ROR1: variants seen among roughly 807,000 people sequenced by gnomAD.
ROR1 encodes ROR family WNT receptor 1.
ROR1 carries 19 observed loss-of-function variants against 78.8 expected under a neutral mutation model. The ratio of observed to expected loss-of-function variants is 0.24; its 90% CI spans 0.17 to 0.35. ROR1 has a LOEUF of 0.35. Ranked by LOEUF, ROR1 falls within the 10% of genes least tolerant of loss-of-function variation. The pLI is 1.00. For synonymous variants in ROR1, 386 were observed against 433.6 expected, an observed-to-expected ratio of 0.89 and a Z score of 1.36; for missense variants, 917 against 1,177.8, an observed-to-expected ratio of 0.78 and a Z score of 3.24.
chr1:63,828,308 ATTACT>A (rs1434243082), intron 1 of ROR1, among the ~76,000 whole-genome samples: 2 of 152,206 alleles, frequency 1.3e-5, no homozygotes, highest in African/African-American at 2.4e-5. Flanking sequence ...TTTTGTTTTC[ATTACT>A]TTAAGTAATA....
intron 1 of ROR1, among the ~76,000 whole-genome samples, chr1:63,798,874 A>C (rs2100250888): frequency 6.6e-6 from 1 of 152,216 alleles, no homozygotes; most frequent in Non-Finnish European, 1.5e-5. Context: ...TACTTTGAAA[A>C]AATAGATGAA....
At chr1:64,122,931 G>C (rs991347112) in intron 4 of ROR1, among the ~76,000 whole-genome samples, 3 of 152,076 alleles carry the variant, frequency 2.0e-5, no homozygotes, top group African/African-American at 7.2e-5. Context: ...CCAGTAAGAG[G>C]GAAGAAAGAA....
chr1:63,826,558 A>G (rs1201741352), intron 1 of ROR1, among the ~76,000 whole-genome samples: 1 of 152,072 alleles, frequency 6.6e-6, no homozygotes, highest in Admixed American at 6.5e-5. Flanking sequence ...GAATATATGC[A>G]TGCCTGTGTC....
At chr1:63,988,981 T>C (rs1646272907) in intron 1 of ROR1, among the ~76,000 whole-genome samples, 1 of 152,184 alleles carries the variant, frequency 6.6e-6, no homozygotes, top group East Asian at 1.9e-4. Context: ...AATTCTTTTG[T>C]GTATATATTC....
chr1:64,018,455 C>T (rs1646538950), intron 2 of ROR1, among the ~76,000 whole-genome samples: 1 of 152,216 alleles, frequency 6.6e-6, no homozygotes, highest in Non-Finnish European at 1.5e-5. Flanking sequence ...AAGAAGACTT[C>T]CCTGACTCCA....
In ROR1 at chr1:63,774,110, C is replaced by T. The variant is rs1644595443; in HGVS notation, c.-308C>T. 2.2e-5 allele frequency: 4 copies of T among 178,520 alleles called. No homozygotes were observed. Among genetic ancestry groups the T allele is most frequent in the South Asian group, 1.8e-4 (1 of 5,508 alleles). 11.1% of individuals were successfully genotyped at this position (178,520 alleles called of 1,614,324 possible). A position where few individuals can be genotyped will look rare whatever the true frequency, so the allele number is the denominator to read the frequency against. On this transcript the variant is annotated 5_prime_UTR_variant, in exon 1 of 9. Coordinates refer to ENST00000371079, the MANE Select transcript of ROR1 (RefSeq NM_005012.4). This position sits in a 1 kb window ranked among gnomAD's most constrained non-coding sequence, Gnocchi z 5.7. ...GACGGCAGCCCCTGGGCGCAGGGTG[C>T]GCTGTTCTCGGAGTCCGACCCAGGG...
intron 1 of ROR1, among the ~76,000 whole-genome samples, chr1:63,854,805 C>A (rs942045785): frequency 1.3e-5 from 2 of 152,182 alleles, no homozygotes; most frequent in Middle Eastern, 3.4e-3. Context: ...GTTCCAGGAC[C>A]CTGATGGATG....
At chr1:64,165,746 C>G (rs1409054169) in intron 8 of ROR1, among the ~76,000 whole-genome samples, 1 of 147,954 alleles carries the variant, frequency 6.8e-6, no homozygotes, top group African/African-American at 2.5e-5. Flanking sequence ...GCTTTGTCAC[C>G]CAGGCTGAAG....
chr1:63,858,010 C>T (rs181777603), intron 1 of ROR1, among the ~76,000 whole-genome samples: 3 of 149,428 alleles, frequency 2.0e-5, no homozygotes, highest in Admixed American at 2.0e-4. Flanking sequence ...TTGCCTATCA[C>T]AGTTTCAGGC....
chr1:63,971,567 A>G (rs543504027), intron 1 of ROR1, among the ~76,000 whole-genome samples: 2 of 152,312 alleles, frequency 1.3e-5, no homozygotes, highest in Admixed American at 6.5e-5. Flanking sequence ...TAATATATAT[A>G]TGTATTACTC....
intron 1 of ROR1, among the ~76,000 whole-genome samples, chr1:63,820,537 C>T (rs568451727): frequency 6.6e-6 from 1 of 152,160 alleles, no homozygotes; most frequent in East Asian, 1.9e-4. Context: ...ATTTTGCCTT[C>T]TTTTTTTTCT....
At chr1:64,121,261 C>CCTTCCTT (rs1553159804) in intron 4 of ROR1, among the ~76,000 whole-genome samples, 6 of 139,456 alleles carry the variant, frequency 4.3e-5, no homozygotes, top group African/African-American at 8.2e-5. Context: ...TTCCTTCCAT[C>CCTTCCTT]CTCCTGTTTC....
chr1:63,890,690 T>G (rs559781090), intron 1 of ROR1, among the ~76,000 whole-genome samples: 2 of 151,704 alleles, frequency 1.3e-5, no homozygotes, highest in African/African-American at 2.4e-5. Flanking sequence ...AAGTTTGGGG[T>G]GGTGGTGGAG....
chr1:64,153,610 T>C (rs1440929219), intron 7 of ROR1, among the ~76,000 whole-genome samples: 1 of 152,158 alleles, frequency 6.6e-6, no homozygotes, highest in Non-Finnish European at 1.5e-5. Flanking sequence ...TACAGCATCA[T>C]GAACCTAGAG....
chr1:64,012,894 G>T (rs1469804072), intron 2 of ROR1, among the ~76,000 whole-genome samples: 1 of 152,180 alleles, frequency 6.6e-6, no homozygotes, highest in Admixed American at 6.5e-5. Context: ...TGGTCTTAAA[G>T]TGATACACTC....
At chr1:63,777,994 C>T (rs531283364) in intron 1 of ROR1, among the ~76,000 whole-genome samples, 4 of 152,254 alleles carry the variant, frequency 2.6e-5, no homozygotes, top group Admixed American at 2.6e-4. Context: ...CTTTTCTTGT[C>T]CCATCTTCTA....
chr1:63,991,174 C>T (rs1646293331), intron 1 of ROR1, among the ~76,000 whole-genome samples: 1 of 152,084 alleles, frequency 6.6e-6, no homozygotes, highest in South Asian at 2.1e-4. Context: ...TGGTCTTGAA[C>T]TCCTGGCCCC....
chr1:64,001,222 A>G (rs970800451), intron 1 of ROR1, among the ~76,000 whole-genome samples: 1 of 152,278 alleles, frequency 6.6e-6, no homozygotes, highest in African/African-American at 2.4e-5. Flanking sequence ...TATGCTGAGT[A>G]AAAGAAGCCA....
chr1:64,091,287 T>C (rs1263693075), intron 4 of ROR1, among the ~76,000 whole-genome samples: 1 of 152,120 alleles, frequency 6.6e-6, no homozygotes, highest in African/African-American at 2.4e-5. Context: ...AGAGTAGAAA[T>C]ACAGATTGTG....
Sources: gnomAD v4.1 joint callset for allele counts (sites outside exome capture counted in the v4.1 genomes callset) on GRCh38, gnomAD v4.1.1 for gene constraint, Gnocchi (gnomAD v3.1) non-coding constraint, MANE v1.5 for transcripts, NCBI Gene and HGNC (gene_info 2026-07-23, HGNC 2026-07-21) for gene names.